The following DNAH9 variants were observed in gnomAD, a reference collection of about 807,000 sequenced individuals.
The protein encoded by DNAH9 is DNAH9 variant protein.
DNAH9 carries 345 observed loss-of-function variants against 471.6 expected under a neutral mutation model. The ratio of observed to expected loss-of-function variants is 0.73; its 90% CI spans 0.67 to 0.80. The LOEUF is 0.80. Ranked by LOEUF, DNAH9 falls within the 30% of genes least tolerant of loss-of-function variation. The pLI is 0.00. For missense variants in DNAH9, 5,407 were observed against 5,609.2 expected (o/e 0.96, Z 1.15); for synonymous variants, 2,093 against 2,123.6 (o/e 0.99, Z 0.40).
Position 11,727,819 on chromosome 17 carries a change from C to T in DNAH9, c.5711C>T (p.Ser1904Phe), listed in dbSNP as rs369767926. 2 of 1,610,950 alleles carry T rather than the reference C, an allele frequency of 1.2e-6. No homozygotes were observed. Among genetic ancestry groups the T allele is most frequent in the African/African-American group, 2.7e-5 (2 of 74,814 alleles). ...FNCSEQMDYKSCGNIYKGLAQ... is the reference protein window; with the variant it reads ...FNCSEQMDYKFCGNIYKGLAQ... ...TAATCTTTGTGCATTTTCTTGCAGT[C>T]TTGTGGCAACATCTACAAAGGCCTT... is the stretch of plus-strand genomic sequence containing the variant. The change falls in exon 28 of 69, where the codon TCT (serine) becomes TTT (phenylalanine). Residue 1904 changes from serine to phenylalanine, a missense_variant and splice_region_variant. Transcript: ENST00000262442.
chr17:11,772,138 G>A (rs1968231444), intron 38 of DNAH9, among the ~76,000 whole-genome samples: 1 of 151,858 alleles, frequency 6.6e-6, no homozygotes, highest in Non-Finnish European at 1.5e-5. Context: ...TTATCATTAG[G>A]AGTACTATTC....
chr17:11,809,710 T>C (rs1214205874), intron 44 of DNAH9, among the ~76,000 whole-genome samples: 2 of 152,120 alleles, frequency 1.3e-5, no homozygotes, highest in African/African-American at 4.8e-5. Flanking sequence ...CATTCAGTTG[T>C]TTGAGTCTTA....
Position 11,961,992 on chromosome 17 carries a change from C to A in DNAH9, c.12969C>A (p.Asp4323Glu), listed in dbSNP as rs775252061. The A allele has an allele frequency of 1.2e-6, 2 of 1,614,152 alleles. No homozygotes were observed. The highest frequency in any genetic ancestry group is 1.7e-6 in the Non-Finnish European group (2 of 1,180,022). Residue 4323 changes from aspartate (D) to glutamate (E), a missense_variant, in exon 68 of 69, where the codon GAC (aspartate) becomes GAA (glutamate). Around this residue, in one of 3 missense-constraint regions of DNAH9, gnomAD observed 4,636 missense variants for 4,900.3 expected, o/e 0.95. Coordinates refer to ENST00000262442, the MANE Select transcript of DNAH9 (RefSeq NM_001372.4). The part of the protein sequence containing the change: ...STAGLAAWFP[D>E]LLNRIKELEA... ...CAGGCCTGGCAGCCTGGTTTCCAGA[C>A]CTCCTCAACAGAATCAAGGAGCTAG...
intron 50 of DNAH9, among the ~76,000 whole-genome samples, chr17:11,865,841 T>C (rs1972031277): frequency 6.6e-6 from 1 of 152,266 alleles, no homozygotes. Context: ...ATTCTTCATG[T>C]AGTTCTCGTG....
chr17:11,813,193 A>G (rs1969984789), intron 45 of DNAH9, among the ~76,000 whole-genome samples: 1 of 152,014 alleles, frequency 6.6e-6, no homozygotes, highest in Non-Finnish European at 1.5e-5. Context: ...TTCCAAAGTC[A>G]TGGAGTTTTA....
chr17:11,778,333 A>G (rs8077352), intron 38 of DNAH9, among the ~76,000 whole-genome samples: 2,026 of 85,254 alleles, frequency 0.024, 9 homozygotes, highest in African/African-American at 0.069. Flanking sequence ...CCATCTCAAA[A>G]AAAAAAAAAA....
chr17:11,888,227 G>A lies in DNAH9; in HGVS notation c.11112+1262G>A, dbSNP rs558602272. ...TCTCGATCTCCGGACTTCGTGATCC[G>A]CCCGCCTCGGCCTCCAAAGTGCTGG... On this transcript the variant is annotated intron_variant, in intron 57 of 68. Coordinates refer to ENST00000262442, the MANE Select transcript of DNAH9 (RefSeq NM_001372.4). Among the ~76,000 whole-genome samples, 23 of 152,016 alleles carry A rather than the reference G, an allele frequency of 1.5e-4. No individual in the cohort carries two copies. The East Asian group carries it at 2.3e-3, about 15-fold the overall frequency.
At position 11,943,169 on chromosome 17, in the gene DNAH9, T is replaced by C. The variant is rs189864616; in HGVS notation, c.12843+684T>C. On this transcript the variant is annotated intron_variant, in intron 67 of 68. Transcript: ENST00000262442. ...TCAGCCTCCCAAAGTGCTGGGATTA[T>C]AGGTGTGAGCCACTGCACCTGGCCT... 7.6e-3 allele frequency among the ~76,000 whole-genome samples: 1,155 copies of C among 151,992 alleles called. 18 individuals are homozygous for C. The highest frequency in any genetic ancestry group is 0.027 in the African/African-American group (1,111 of 41,478).
In DNAH9 at chr17:11,704,259, C is replaced by T. The variant is rs1164582239; in HGVS notation, c.5208C>T (p.Ala1736=). The T allele has an allele frequency of 6.2e-7, 1 of 1,614,154 alleles. No individual in the cohort carries two copies. The highest frequency in any genetic ancestry group is 8.5e-7 in the Non-Finnish European group (1 of 1,180,020). The change falls in exon 25 of 69, where the codon GCC becomes GCT. Residue 1736 remains alanine, a synonymous_variant. Coordinates refer to ENST00000262442, the MANE Select transcript of DNAH9 (RefSeq NM_001372.4). ...WWTTEVGMAF[A]RLEEGYESAM... ...CAACAGAAGTGGGCATGGCATTTGC[C>T]AGGCTGGAGGAAGGCTATGAGAGTG...
chr17:11,731,025 GA>G (rs1170398067), intron 28 of DNAH9, among the ~76,000 whole-genome samples: 23 of 151,924 alleles, frequency 1.5e-4, no homozygotes, highest in African/African-American at 4.8e-4. Context: ...TGGTGGTGAT[GA>G]TGATGGTGGT....
Position 11,623,167 on chromosome 17 carries a change from T to A in DNAH9, c.1350+3386T>A, listed in dbSNP as rs968375922. Among the ~76,000 whole-genome samples the A allele has an allele frequency of 3.3e-5, 5 of 151,812 alleles. No homozygotes were observed. Among genetic ancestry groups the A allele is most frequent in the South Asian group, 2.1e-4 (1 of 4,806 alleles). On this transcript the variant is annotated intron_variant, in intron 6 of 68. Transcript: ENST00000262442. The surrounding 1 kb of genome is among the most constrained non-coding windows in gnomAD (Gnocchi z 4.1). ...TTTTGTATTTTTAGTAGAGACAGGG[T>A]CTTTCTGTGTTGGTCAGGCTGGTCT...
Position 11,881,221 on chromosome 17 carries a change from T to C in DNAH9, c.10614T>C (p.Ile3538=). Residue 3538 remains isoleucine (I), a synonymous_variant, in exon 55 of 69, where the codon ATT becomes ATC. Transcript: ENST00000262442. ...EVIKKGRFIK[I]GDKECEYNPK... is the part of the protein sequence containing the mutation. The stretch of plus-strand genomic sequence containing the variant: ...CTTTATGTTCCAGATTCATTAAAAT[T>C]GGAGACAAAGAATGTGAATACAATC... 5 of 1,614,168 alleles carry C rather than the reference T, an allele frequency of 3.1e-6. No individual in the cohort carries two copies. Among genetic ancestry groups the C allele is most frequent in the Non-Finnish European group, 4.2e-6 (5 of 1,180,038 alleles).
At chr17:11,790,577 C>CAGA (rs1324085612) in intron 41 of DNAH9, among the ~76,000 whole-genome samples, 1 of 151,976 alleles carries the variant, frequency 6.6e-6, no homozygotes, top group Non-Finnish European at 1.5e-5. Flanking sequence ...GTATATCTCC[C>CAGA]ATAAGCAGCA....
chr17:11,689,468 C>A (rs866387212), intron 19 of DNAH9, 98 bp from the exon 20 acceptor site: 1 of 1,026,948 alleles, frequency 9.7e-7, no homozygotes, highest in Admixed American at 2.3e-5. Context: ...TCCTAAAACA[C>A]CAAGCATTTA....
At chr17:11,779,861 T>C (rs1245552022) in intron 38 of DNAH9, among the ~76,000 whole-genome samples, 1 of 152,230 alleles carries the variant, frequency 6.6e-6, no homozygotes, top group Non-Finnish European at 1.5e-5. Flanking sequence ...TTGAAACACT[T>C]AATTTAACTC....
intron 28 of DNAH9, among the ~76,000 whole-genome samples, chr17:11,737,842 G>T (rs1487365360): frequency 6.6e-6 from 1 of 152,338 alleles, no homozygotes; most frequent in East Asian, 1.9e-4. Context: ...TGTTCTGGAG[G>T]TATAGTCTGG....
chr17:11,893,897 T>G (rs1392756978), intron 58 of DNAH9, among the ~76,000 whole-genome samples: 1 of 152,172 alleles, frequency 6.6e-6, no homozygotes, highest in African/African-American at 2.4e-5. Flanking sequence ...ATAAACTACT[T>G]ATAGAAAGTT....
intron 4 of DNAH9, among the ~76,000 whole-genome samples, chr17:11,614,789 G>C (rs1020969083): frequency 5.3e-5 from 8 of 152,002 alleles, no homozygotes; most frequent in Admixed American, 4.6e-4. Flanking sequence ...AGGCAAGCCA[G>C]CCAAACTCTA....
At chr17:11,779,828 T>C (rs1968602570) in intron 38 of DNAH9, among the ~76,000 whole-genome samples, 1 of 152,248 alleles carries the variant, frequency 6.6e-6, no homozygotes, top group Admixed American at 6.5e-5. Context: ...TGGATGCTAA[T>C]TAAATTTAAA....
Sources: allele counts gnomAD v4.1 joint callset (sites outside exome capture counted in the v4.1 genomes callset), GRCh38; gene constraint gnomAD v4.1.1; regional missense constraint gnomAD v4.1.1; non-coding constraint Gnocchi (gnomAD v3.1); transcripts MANE v1.5; gene names NCBI Gene and HGNC (gene_info 2026-07-23, HGNC 2026-07-21).